Variants in TRDMT1 observed in about 807,000 individuals in gnomAD.
The protein encoded by TRDMT1 is tRNA (cytosine(38)-C(5))-methyltransferase.
In TRDMT1, 49 loss-of-function variants were observed where a neutral mutation model predicts 51.2. That is an observed-to-expected ratio of 0.96 (90% confidence interval 0.76 to 1.21). The LOEUF (loss-of-function observed/expected upper bound fraction) is 1.21. Ranked by LOEUF, TRDMT1 falls within the 50% of genes most tolerant of loss-of-function variation. The probability of loss-of-function intolerance (pLI) is 0.00; values close to 1 mark genes in which losing one functional copy is unlikely to be tolerated. For synonymous variants in TRDMT1, 187 were observed against 164.6 expected, an observed-to-expected ratio of 1.14 and a Z score of -1.04; for missense variants, 534 against 462.3, an observed-to-expected ratio of 1.16 and a Z score of -1.42.
At chr10:17,164,046 C>A (rs1840800842) in intron 3 of TRDMT1, among the ~76,000 whole-genome samples, 1 of 152,146 alleles carries the variant, frequency 6.6e-6, no homozygotes, top group Non-Finnish European at 1.5e-5. Flanking sequence ...GATACCAAAG[C>A]CTGGCAGAGA....
intron 5 of TRDMT1, among the ~76,000 whole-genome samples, chr10:17,160,585 C>T (rs1016118115): frequency 3.3e-5 from 5 of 152,074 alleles, no homozygotes; most frequent in African/African-American, 4.8e-5. Flanking sequence ...AATTCTCTGC[C>T]TCAGTCTCCT....
At chr10:17,180,204 T>C (rs1028324493) in intron 1 of TRDMT1, among the ~76,000 whole-genome samples, 41 of 152,200 alleles carry the variant, frequency 2.7e-4, no homozygotes, top group African/African-American at 9.7e-4. Flanking sequence ...AAAATAACTA[T>C]TAAAGAATAA....
At position 17,201,593 on chromosome 10, in the gene TRDMT1, G is replaced by A. The variant is rs893985052; in HGVS notation, c.42C>T (p.Gly14=). The A allele has an allele frequency of 1.1e-5, 17 of 1,548,694 alleles. No homozygotes were observed. The highest frequency in any genetic ancestry group is 1.4e-5 in the Non-Finnish European group (16 of 1,145,978). The part of the protein sequence containing the change: ...LRVLELYSGV[G]GMHHALRESC... ...CACCTCTCAGCGCGTGGTGCATGCC[G>A]CCCACGCCGCTGTATAGCTCCAGCA... Residue 14 remains glycine, a synonymous_variant, in exon 1 of 11, where the codon GGC becomes GGT. Coordinates refer to ENST00000377799, the MANE Select transcript of TRDMT1 (RefSeq NM_004412.7).
At chr10:17,162,816 C>A (rs1156740191) in intron 3 of TRDMT1, among the ~76,000 whole-genome samples, 1 of 152,108 alleles carries the variant, frequency 6.6e-6, no homozygotes, top group Non-Finnish European at 1.5e-5. Flanking sequence ...CTAATAAGTA[C>A]ACTTAAAATT....
rs1420599238 is a variant in TRDMT1 at position 17,138,623 on chromosome 10, A to G, written c.*10417T>C. ...TTTGTTCTCCATGCTCATTATTACA[A>G]TGACTACAATTATCTTTGAGTAGAA... On this transcript the variant is annotated 3_prime_UTR_variant, in exon 11 of 11. Coordinates refer to ENST00000377799, the MANE Select transcript of TRDMT1 (RefSeq NM_004412.7). Among the ~76,000 whole-genome samples, 1 of 151,634 alleles carries G rather than the reference A, an allele frequency of 6.6e-6. No homozygotes were observed. The highest frequency in any genetic ancestry group is 1.5e-5 in the Non-Finnish European group (1 of 67,882).
chr10:17,142,960 CTT>C lies in TRDMT1; in HGVS notation c.*6078_*6079del, dbSNP rs1158876198. ...GCAGGGAGAAATAAATCTACACTCT[CTT>C]GTCAAGACCAGAAGTCAGAATACAG... is the stretch of plus-strand genomic sequence containing the variant. On this transcript the variant is annotated 3_prime_UTR_variant, in exon 11 of 11. Coordinates refer to ENST00000377799, the MANE Select transcript of TRDMT1 (RefSeq NM_004412.7). 4.1e-6 allele frequency: 4 copies of C among 981,590 alleles called. No individual in the cohort carries two copies. Among genetic ancestry groups the C allele is most frequent in the Admixed American group, 6.1e-5 (1 of 16,268 alleles). 60.8% of individuals were successfully genotyped at this position (981,590 alleles called of 1,614,324 possible). A position where few individuals can be genotyped will look rare whatever the true frequency, so the allele number is the denominator to read the frequency against.
chr10:17,201,546 A>G (rs1406876552), intron 1 of TRDMT1, 25 bp downstream of exon 1: 3 of 1,543,654 alleles, frequency 1.9e-6, no homozygotes, highest in Non-Finnish European at 2.6e-6. Flanking sequence ...GCGAATAGAG[A>G]GAGGGGTGCT....
At position 17,153,625 on chromosome 10, in the gene TRDMT1, G is replaced by A. The variant is rs1202781062; in HGVS notation, c.957C>T (p.Ile319=). 6.3e-7 allele frequency: 1 copy of A among 1,587,762 alleles called. No individual in the cohort carries two copies. The highest frequency in any genetic ancestry group is 8.6e-7 in the Non-Finnish European group (1 of 1,167,632). ...GTGACAAATTGGTAAGGGATTTGTA[G>A]ATATTCTCAACCTGTAAGAAAATAC... is the stretch of plus-strand genomic sequence containing the variant. ...QTAEDVQVEN[I]YKSLTNLSQE... Residue 319 remains isoleucine (I), a synonymous_variant, in exon 10 of 11, where the codon ATC becomes ATT. Transcript: ENST00000377799.
chr10:17,139,866 A>G lies in TRDMT1; in HGVS notation c.*9174T>C, dbSNP rs567694745. ...GTTATTCTAAGATCTATAAAAAACA[A>G]CACCTTTGTATGCTTTCTTTATAGT... On this transcript the variant is annotated 3_prime_UTR_variant, in exon 11 of 11. Transcript: ENST00000377799. 2.5e-4 allele frequency among the ~76,000 whole-genome samples: 38 copies of G among 152,126 alleles called. No individual in the cohort carries two copies. The South Asian group carries it at 3.9e-3, about 16-fold the overall frequency.
At chr10:17,177,741 C>CACACACACACACAG (rs1842788946) in intron 1 of TRDMT1, among the ~76,000 whole-genome samples, 1 of 151,750 alleles carries the variant, frequency 6.6e-6, no homozygotes, top group Non-Finnish European at 1.5e-5. Flanking sequence ...CACACACACA[C>CACACACACACACAG]ACACAGACAT....
rs1837545838 is a variant in TRDMT1, at chr10:17,139,996, CAATTTTGGCATTA to C, written c.*9031_*9043del. ...TAAACAATACCCTAGGAGTTATACACAATTTTGGCATTAAATATTCTTCCAGTAACATCTAGTG... is the reference window on the plus strand; with the variant it reads ...TAAACAATACCCTAGGAGTTATACACAATATTCTTCCAGTAACATCTAGTG... On this transcript the variant is annotated 3_prime_UTR_variant, in exon 11 of 11. Coordinates refer to ENST00000377799, the MANE Select transcript of TRDMT1 (RefSeq NM_004412.7). Among the ~76,000 whole-genome samples, 1 of 127,288 alleles carries C rather than the reference CAATTTTGGCATTA, an allele frequency of 7.9e-6. No homozygotes were observed. The highest frequency in any genetic ancestry group is 8.8e-5 in the Admixed American group (1 of 11,356). 83.5% of individuals were successfully genotyped at this position (127,288 alleles called of 152,430 possible). A position where few individuals can be genotyped will look rare whatever the true frequency, so the allele number is the denominator to read the frequency against.
intron 10 of TRDMT1, chr10:17,151,010 T>G (rs1352530756): frequency 1.0e-6 from 1 of 979,162 alleles, no homozygotes; most frequent in Non-Finnish European, 1.2e-6. Flanking sequence ...TGTGTGCATG[T>G]GTGTGTGTGT....
Position 17,166,523 on chromosome 10 carries a change from A to T in TRDMT1, c.251+2318T>A, listed in dbSNP as rs76604830. On this transcript the variant is annotated intron_variant, in intron 3 of 10. Transcript: ENST00000377799. ...ACCCTAAAACTTAAAGTATAATAAT[A>T]AAAAAAAAGCATGCTATTTATCTTC... Among the ~76,000 whole-genome samples, 6 of 150,780 alleles carry T rather than the reference A, an allele frequency of 4.0e-5. No homozygotes were observed. The South Asian group carries it at 8.4e-4, about 21-fold the overall frequency.
In TRDMT1 at chr10:17,143,861, C is replaced by G. The variant is rs1837883231; in HGVS notation, c.*5179G>C. ...CTAACCGTACCATAAATATTAAAGT[C>G]AAGAGTGGAACTGACTATAGAATGG... On this transcript the variant is annotated 3_prime_UTR_variant, in exon 11 of 11. Coordinates refer to ENST00000377799, the MANE Select transcript of TRDMT1 (RefSeq NM_004412.7). The G allele has an allele frequency of 1.0e-6, 1 of 985,386 alleles. No individual in the cohort carries two copies. Among genetic ancestry groups the G allele is most frequent in the Non-Finnish European group, 1.2e-6 (1 of 829,938 alleles). The allele number at this position is 985,386 out of a possible 1,614,324, so 61.0% of individuals were successfully genotyped here. A position where few individuals can be genotyped will look rare whatever the true frequency, so the allele number is the denominator to read the frequency against.
Position 17,143,342 on chromosome 10 carries a change from A to C in TRDMT1, c.*5698T>G, listed in dbSNP as rs1588679731. On this transcript the variant is annotated 3_prime_UTR_variant, in exon 11 of 11. Coordinates refer to ENST00000377799, the MANE Select transcript of TRDMT1 (RefSeq NM_004412.7). ...CTTGTGGAAGTTTACATTCTCTAAA[A>C]CATGAAACATTTTCCATTTTTAAAA... 3 of 985,444 alleles carry C rather than the reference A, an allele frequency of 3.0e-6. No individual in the cohort carries two copies. The African/African-American group carries it at 5.2e-5, about 17-fold the overall frequency. 61.0% of individuals were successfully genotyped at this position (985,444 alleles called of 1,614,324 possible).
rs528044921 is a variant in TRDMT1, at chr10:17,138,303, C to G, written c.*10737G>C. ...TATAACGATCTTTTAACCTTCATGA[C>G]ACTTAATTCATTCTCTTTTTCAGGG... On this transcript the variant is annotated 3_prime_UTR_variant, in exon 11 of 11. Coordinates refer to ENST00000377799, the MANE Select transcript of TRDMT1 (RefSeq NM_004412.7). 2.0e-4 allele frequency among the ~76,000 whole-genome samples: 30 copies of G among 152,298 alleles called. No individual in the cohort carries two copies. Among genetic ancestry groups the G allele is most frequent in the African/African-American group, 6.7e-4 (28 of 41,546 alleles).
intron 1 of TRDMT1, among the ~76,000 whole-genome samples, chr10:17,187,180 T>C (rs1011314528): frequency 2.0e-5 from 3 of 152,220 alleles, no homozygotes; most frequent in African/African-American, 4.8e-5. Flanking sequence ...AATCACTCCA[T>C]AGTTATGTAC....
chr10:17,194,928 G>A (rs530434039), intron 1 of TRDMT1, among the ~76,000 whole-genome samples: 232 of 47,312 alleles, frequency 4.9e-3, no homozygotes, highest in South Asian at 0.024. Flanking sequence ...GCAAGAATCC[G>A]ACTCAAAAAA....
At chr10:17,196,286 A>G (rs1845419257) in intron 1 of TRDMT1, among the ~76,000 whole-genome samples, 1 of 152,272 alleles carries the variant, frequency 6.6e-6, no homozygotes, top group African/African-American at 2.4e-5. Flanking sequence ...TTTAGAAGCT[A>G]TTTGGCAGAC....
Sources: gnomAD v4.1 joint callset for allele counts (sites outside exome capture counted in the v4.1 genomes callset) on GRCh38, gnomAD v4.1.1 for gene constraint, MANE v1.5 for transcripts, NCBI Gene and HGNC (gene_info 2026-07-23, HGNC 2026-07-21) for gene names.